Variants in ADAM12 observed in about 807,000 individuals in gnomAD.
ADAM12 encodes the protein ADAM metallopeptidase domain 12.
Under a neutral mutation model 106.4 loss-of-function variants are expected in ADAM12, and 70 were observed. The observed-to-expected ratio is 0.66, with a 90% CI of 0.54 to 0.80. ADAM12 has a LOEUF of 0.80. Ranked by LOEUF, ADAM12 falls within the 30% of genes least tolerant of loss-of-function variation. The pLI is 0.00. For synonymous variants in ADAM12, 420 were observed against 433.5 expected (o/e 0.97, Z 0.39); for missense variants, 1,010 against 1,171.9 (o/e 0.86, Z 2.02).
intron 10 of ADAM12, among the ~76,000 whole-genome samples, chr10:126,096,407 T>C (rs1363995763): frequency 6.6e-6 from 1 of 152,130 alleles, no homozygotes; most frequent in Non-Finnish European, 1.5e-5. Flanking sequence ...ATTCATGTTA[T>C]TAATATTATT....
intron 3 of ADAM12, among the ~76,000 whole-genome samples, chr10:126,181,661 C>T (rs1957314736): frequency 6.6e-6 from 1 of 152,164 alleles, no homozygotes; most frequent in Non-Finnish European, 1.5e-5. Context: ...GAAAGAACAA[C>T]CTTCAGAGGA....
chr10:126,297,408 GC>G (rs1590747894), intron 2 of ADAM12, among the ~76,000 whole-genome samples: 1 of 152,132 alleles, frequency 6.6e-6, no homozygotes, highest in East Asian at 1.9e-4. Flanking sequence ...TATTAGCCAG[GC>G]TTGGTGGCAT....
chr10:126,339,847 C>CTCT (rs1854855852), intron 1 of ADAM12, among the ~76,000 whole-genome samples: 1 of 75,710 alleles, frequency 1.3e-5, no homozygotes, highest in South Asian at 6.1e-4. Flanking sequence ...CATTCTAGGG[C>CTCT]TTTTTTTTTT....
chr10:126,159,073 G>T (rs1392957705), intron 3 of ADAM12, among the ~76,000 whole-genome samples: 8 of 152,266 alleles, frequency 5.3e-5, no homozygotes, highest in African/African-American at 1.4e-4. Context: ...ACTTTGGGAG[G>T]CCAAGGCGGG....
In ADAM12 at chr10:126,296,100, T is replaced by C. The variant is rs946817832; in HGVS notation, c.187-17112A>G. On this transcript the variant is annotated intron_variant, in intron 2 of 22. Transcript: ENST00000448723. ...CCCGTGCGTGGGGACCATCAGGAAATGTGCACCAAAACATTTTTTAAAATA... is the reference window on the plus strand; with the variant it reads ...CCCGTGCGTGGGGACCATCAGGAAACGTGCACCAAAACATTTTTTAAAATA... 9.2e-5 allele frequency among the ~76,000 whole-genome samples: 14 copies of C among 152,280 alleles called. No individual in the cohort carries two copies. In the East Asian group the frequency reaches 1.9e-3, roughly 21 times the overall value.
chr10:126,110,993 C>T (rs1055581169), intron 6 of ADAM12, among the ~76,000 whole-genome samples: 1 of 152,158 alleles, frequency 6.6e-6, no homozygotes, highest in Non-Finnish European at 1.5e-5. Context: ...AAAAGAAAAT[C>T]ACAAAAGTAT....
Position 126,041,751 on chromosome 10 carries a change from G to A in ADAM12, c.2104+1289C>T, listed in dbSNP as rs530958716. On this transcript the variant is annotated intron_variant, in intron 18 of 22. Transcript: ENST00000448723. ...GGCTGAGGTGTCACTGGGGAAAGGG[G>A]ACACTGGGCCCAACCCTTGCTTCTC... 4.4e-5 allele frequency: 46 copies of A among 1,050,074 alleles called. No homozygotes were observed. The African/African-American group carries it at 5.8e-4, about 13-fold the overall frequency. The allele number at this position is 1,050,074 out of a possible 1,614,324, so 65.0% of individuals were successfully genotyped here.
intron 1 of ADAM12, among the ~76,000 whole-genome samples, chr10:126,340,859 G>T (rs1231874946): frequency 1.3e-5 from 2 of 151,902 alleles, no homozygotes; most frequent in Non-Finnish European, 2.9e-5. Context: ...TGGGTTTATA[G>T]GTGCCCCCAC....
At chr10:126,169,972 G>A (rs768721315) in intron 3 of ADAM12, among the ~76,000 whole-genome samples, 7 of 152,186 alleles carry the variant, frequency 4.6e-5, no homozygotes, top group Admixed American at 1.3e-4. Flanking sequence ...GCAAGATATC[G>A]GGGCTGATGA....
At chr10:126,360,843 C>A (rs1371559129) in intron 1 of ADAM12, among the ~76,000 whole-genome samples, 1 of 152,210 alleles carries the variant, frequency 6.6e-6, no homozygotes, top group African/African-American at 2.4e-5. Context: ...TTCCATGCTG[C>A]TGATAAAGAC....
intron 3 of ADAM12, among the ~76,000 whole-genome samples, chr10:126,192,058 C>T (rs544572402): frequency 6.6e-6 from 1 of 152,256 alleles, no homozygotes; most frequent in South Asian, 2.1e-4. Flanking sequence ...GGAAAGTCTG[C>T]CCCCGGCCCC....
chr10:126,161,294 T>C (rs1956929345), intron 3 of ADAM12, among the ~76,000 whole-genome samples: 1 of 152,144 alleles, frequency 6.6e-6, no homozygotes, highest in African/African-American at 2.4e-5. Flanking sequence ...CCATATATTA[T>C]CTGGCCCATG....
rs1033165430 is a variant in ADAM12 at position 126,013,028 on chromosome 10, A to G, written c.*4251T>C. Reference sequence around the variant, plus strand: ...GTCAGGGTGGGTTACAGGGCATTCAACCTGGAAGAGCTGAATAGCTTTACA... The same window carrying G: ...GTCAGGGTGGGTTACAGGGCATTCAGCCTGGAAGAGCTGAATAGCTTTACA... On this transcript the variant is annotated 3_prime_UTR_variant, in exon 23 of 23. Coordinates refer to ENST00000448723, the MANE Select transcript of ADAM12 (RefSeq NM_001288973.2). This position sits in a 1 kb window ranked among gnomAD's most constrained non-coding sequence, Gnocchi z 4.3. The G allele has an allele frequency of 3.3e-5, 5 of 152,202 alleles. No individual in the cohort carries two copies. Among genetic ancestry groups the G allele is most frequent in the African/African-American group, 1.2e-4 (5 of 41,450 alleles). 9.4% of individuals were successfully genotyped at this position (152,202 alleles called of 1,614,324 possible).
intron 1 of ADAM12, among the ~76,000 whole-genome samples, chr10:126,350,810 G>C (rs946592528): frequency 1.3e-5 from 2 of 152,208 alleles, no homozygotes; most frequent in Admixed American, 6.5e-5. Context: ...CACCTGGCCA[G>C]AATTCACGCC....
chr10:126,270,688 C>T (rs986377794), intron 3 of ADAM12, among the ~76,000 whole-genome samples: 7 of 152,184 alleles, frequency 4.6e-5, no homozygotes, highest in East Asian at 3.9e-4. Flanking sequence ...TTTTAACAAG[C>T]GCTCCAGGTG....
At chr10:126,116,108 A>G (rs1955977646) in intron 6 of ADAM12, among the ~76,000 whole-genome samples, 1 of 152,252 alleles carries the variant, frequency 6.6e-6, no homozygotes, top group African/African-American at 2.4e-5. Flanking sequence ...CCACAAGTCA[A>G]AATGACTGGA....
intron 1 of ADAM12, 137 bp from the exon 2 acceptor site, chr10:126,330,646 C>T (rs1284765634): frequency 5.8e-6 from 4 of 687,726 alleles, no homozygotes; most frequent in Non-Finnish European, 9.4e-6. Flanking sequence ...CCCATTAAGT[C>T]ATGAAAAGTG....
At chr10:126,336,667 G>C (rs1854710524) in intron 1 of ADAM12, among the ~76,000 whole-genome samples, 3 of 152,176 alleles carry the variant, frequency 2.0e-5, no homozygotes, top group African/African-American at 4.8e-5. Context: ...TGGGATGGCA[G>C]AAAAGTTAAA....
At chr10:126,284,064 G>A (rs1427097632) in intron 2 of ADAM12, among the ~76,000 whole-genome samples, 3 of 152,244 alleles carry the variant, frequency 2.0e-5, no homozygotes, top group Middle Eastern at 3.4e-3. Context: ...TGGGCACAGT[G>A]TCTCATTCCT....
Sources: gnomAD v4.1 joint callset for allele counts (sites outside exome capture counted in the v4.1 genomes callset) on GRCh38, gnomAD v4.1.1 for gene constraint, Gnocchi (gnomAD v3.1) non-coding constraint, MANE v1.5 for transcripts, NCBI Gene and HGNC (gene_info 2026-07-23, HGNC 2026-07-21) for gene names.